The following TUT1 variants were observed in gnomAD, a reference collection of about 807,000 sequenced individuals.
TUT1 encodes speckle targeted PIP5K1A-regulated poly(A) polymerase.
A neutral mutation model predicts 48.8 loss-of-function variants in TUT1; 26 were observed. The ratio of observed to expected loss-of-function variants is 0.53; its 90% confidence interval spans 0.39 to 0.74. The LOEUF is 0.74. TUT1 is among the 30% of genes least tolerant of loss of function. The probability of loss-of-function intolerance (pLI) is 0.00; values close to 1 mark genes in which losing one functional copy is unlikely to be tolerated. For synonymous variants in TUT1, 470 were observed against 460.8 expected (o/e 1.02, Z -0.26); for missense variants, 1,065 against 1,114.8 (o/e 0.96, Z 0.64).
At chr11:62,584,806 G>T (rs1941883339) in intron 2 of TUT1, among the ~76,000 whole-genome samples, 1 of 150,008 alleles carries the variant, frequency 6.7e-6, no homozygotes, top group South Asian at 2.1e-4. Flanking sequence ...CCAATGAATT[G>T]TATACTATTT....
rs747324407 is a variant in TUT1 at position 62,581,574 on chromosome 11, G to A, written c.401C>T (p.Pro134Leu). Reference sequence around the variant, plus strand: ...CGCTCCTTTGGGGGATTTGGAGGCCGGGCTCTGGAACTCCTTCTGCTCCCG... The same window carrying A: ...CGCTCCTTTGGGGGATTTGGAGGCCAGGCTCTGGAACTCCTTCTGCTCCCG... ...RPREQKEFQS[P>L]ASKSPKGAAP... The change falls in exon 3 of 9, where the codon CCG (proline) becomes CTG (leucine). Residue 134 changes from proline to leucine, a missense_variant. By Grantham distance (98) the Pro-to-Leu change is moderately conservative. Coordinates refer to ENST00000476907, the MANE Select transcript of TUT1 (RefSeq NM_022830.3). 81 of 1,610,752 alleles carry A rather than the reference G, an allele frequency of 5.0e-5. No individual in the cohort carries two copies. The highest frequency in any genetic ancestry group is 6.0e-5 in the Non-Finnish European group (71 of 1,178,256).
Position 62,575,538 on chromosome 11 carries a change from C to T in TUT1, c.2181G>A (p.Glu727=). 1.2e-6 allele frequency: 2 copies of T among 1,613,902 alleles called. No homozygotes were observed. The highest frequency in any genetic ancestry group is 1.7e-6 in the Non-Finnish European group (2 of 1,180,044). ...TTGKHGAPGE[E]GQPSHAALAE... ...CCAGGGCTGCGTGGCTGGGCTGCCC[C>T]TCTTCTCCAGGGGCTCCATGCTTTC... The change falls in exon 9 of 9, where the codon GAG becomes GAA. Residue 727 remains glutamate (E), a synonymous_variant. Coordinates refer to ENST00000476907, the MANE Select transcript of TUT1 (RefSeq NM_022830.3).
At chr11:62,590,489 T>A (rs1941992260) in intron 1 of TUT1, among the ~76,000 whole-genome samples, 1 of 151,570 alleles carries the variant, frequency 6.6e-6, no homozygotes, top group Admixed American at 6.6e-5. Flanking sequence ...TACAAAAAAT[T>A]AGCCGGGCGT....
intron 5 of TUT1, 100 bp from the exon 6 acceptor site, chr11:62,577,391 T>C: frequency 2.2e-6 from 2 of 900,106 alleles, no homozygotes; most frequent in South Asian, 3.0e-5. Flanking sequence ...CCAGCTGGAA[T>C]AAGGCCAGAA....
chr11:62,575,800 T>G lies in TUT1; in HGVS notation c.1919A>C (p.Lys640Thr), dbSNP rs1941713732. The G allele has an allele frequency of 6.2e-7, 1 of 1,614,098 alleles. No homozygotes were observed. The highest frequency in any genetic ancestry group is 1.3e-5 in the African/African-American group (1 of 74,944). ...ALGCHIEQATKRTRSEGGGTG... is the reference protein window; with the variant it reads ...ALGCHIEQATTRTRSEGGGTG... ...TCCACCTCCTTCTGACCGCGTTCTC[T>G]TGGTTGCCTGTTCTATATGGCACCC... Residue 640 changes from lysine (K) to threonine (T), a missense_variant, in exon 9 of 9, where the codon AAG becomes ACG. Transcript: ENST00000476907.
Position 62,576,897 on chromosome 11 carries a change from G to C in TUT1, c.1381+10C>G. On this transcript the variant is annotated intron_variant, in intron 7 of 8. Coordinates refer to ENST00000476907, the MANE Select transcript of TUT1 (RefSeq NM_022830.3). ...AACAAGATGGAGAGGGTGGAGGCTA[G>C]GCCGAGTACCTGCTTTCTGGGTGAG... The C allele has an allele frequency of 6.2e-7, 1 of 1,613,258 alleles. No individual in the cohort carries two copies. Among genetic ancestry groups the C allele is most frequent in the Non-Finnish European group, 8.5e-7 (1 of 1,179,244 alleles).
chr11:62,583,530 G>A (rs540813150), intron 2 of TUT1, among the ~76,000 whole-genome samples: 4 of 152,144 alleles, frequency 2.6e-5, no homozygotes, highest in South Asian at 2.1e-4. Context: ...CCCGGGAGGC[G>A]GAGGTTACTG....
intron 2 of TUT1, among the ~76,000 whole-genome samples, chr11:62,583,314 G>T (rs1421589430): frequency 5.3e-5 from 8 of 151,554 alleles, no homozygotes; most frequent in Admixed American, 5.3e-4. Flanking sequence ...TAAAATATTA[G>T]CAAGAAGAGG....
Position 62,587,139 on chromosome 11 carries a change from A to G in TUT1, c.273+1892T>C, listed in dbSNP as rs566409208. On this transcript the variant is annotated intron_variant, in intron 2 of 8. Transcript: ENST00000476907. The stretch of plus-strand genomic sequence containing the variant: ...AAAAAGAAAAGGCATTTTTCTCAGA[A>G]TAAAAGGAAAAAAAATAGAGGAGGG... Among the ~76,000 whole-genome samples, 55 of 151,736 alleles carry G rather than the reference A, an allele frequency of 3.6e-4. 1 individual carries two copies. Among genetic ancestry groups the G allele is most frequent in the African/African-American group, 1.3e-3 (54 of 41,398 alleles).
At chr11:62,591,375 C>G in intron 1 of TUT1, 29 bp downstream of exon 1, 1 of 1,531,116 alleles carries the variant, frequency 6.5e-7, no homozygotes, top group Non-Finnish European at 8.8e-7. Flanking sequence ...CCGCAACCAC[C>G]CCCGGGTCCC....
In TUT1 at chr11:62,575,280, C is replaced by T. The variant is rs767163500; in HGVS notation, c.2439G>A (p.Glu813=). 3.1e-6 allele frequency: 5 copies of T among 1,614,090 alleles called. No individual in the cohort carries two copies. In the Admixed American group the frequency reaches 5.0e-5, roughly 16 times the overall value. The stretch of plus-strand genomic sequence containing the variant: ...CTTCGCCACCACTCAGTCCTTTCAG[C>T]TCCTGGGTGACCTGAGCCTCAGTCG... The part of the protein sequence containing the change: ...WLATEAQVTQ[E]LKGLSGGEER... Residue 813 remains glutamate, a synonymous_variant, in exon 9 of 9, where the codon GAG becomes GAA. Transcript: ENST00000476907.
chr11:62,582,046 G>C, intron 2 of TUT1, among the ~76,000 whole-genome samples: 1 of 151,860 alleles, frequency 6.6e-6, no homozygotes, highest in East Asian at 2.0e-4. Context: ...GCAGCGGGGT[G>C]ATCTCGGCTT....
intron 2 of TUT1, chr11:62,582,597 C>G (rs1565267910): frequency 2.2e-6 from 1 of 455,644 alleles, no homozygotes. Context: ...GAGACCCTGT[C>G]TCAAAAAAAA....
At chr11:62,589,945 T>A (rs1941983356) in intron 1 of TUT1, among the ~76,000 whole-genome samples, 2 of 152,228 alleles carry the variant, frequency 1.3e-5, no homozygotes, top group Admixed American at 1.3e-4. Flanking sequence ...AATATCAGTA[T>A]CTAGCACCTC....
chr11:62,576,032 GGC>G lies in TUT1; in HGVS notation c.1685_1686del (p.Arg562ProfsTer109). ...AANVTSRVAG[R>X]LQNCCRAAAN... is the part of the protein sequence containing the mutation. ...GCTGCTGCTCGGCAGCAGTTCTGTA[GGC>G]GCCCAGCCACCCGGCTGGTCACATT... On this transcript the variant is annotated frameshift_variant, in exon 9 of 9. Coordinates refer to ENST00000476907, the MANE Select transcript of TUT1 (RefSeq NM_022830.3). LOFTEE classifies it low-confidence loss of function (END_TRUNC). 1.2e-6 allele frequency: 2 copies of G among 1,613,820 alleles called. No homozygotes were observed. Among genetic ancestry groups the G allele is most frequent in the South Asian group, 2.2e-5 (2 of 91,086 alleles).
In TUT1 at chr11:62,575,876, G is replaced by A. The variant is rs1941716003; in HGVS notation, c.1843C>T (p.Pro615Ser). 1.2e-6 allele frequency: 2 copies of A among 1,614,084 alleles called. No homozygotes were observed. The highest frequency in any genetic ancestry group is 1.1e-5 in the South Asian group (1 of 91,090). The change falls in exon 9 of 9, where the codon CCC becomes TCC. Residue 615 changes from proline to serine, a missense_variant. Pro to Ser is a moderately conservative substitution (Grantham distance 74). Coordinates refer to ENST00000476907, the MANE Select transcript of TUT1 (RefSeq NM_022830.3). The part of the protein sequence containing the change: ...SATPIPLPLA[P>S]FTQLTAALVQ... ...AGGGCAGCAGTGAGCTGGGTGAAGG[G>A]TGCAAGGGGTAAAGGGATCGGCGTA... is the stretch of plus-strand genomic sequence containing the variant.
chr11:62,585,676 C>CA (rs1355589807), intron 2 of TUT1, among the ~76,000 whole-genome samples: 1 of 152,122 alleles, frequency 6.6e-6, no homozygotes, highest in Non-Finnish European at 1.5e-5. Flanking sequence ...ACTAAAAATA[C>CA]AAAAATTAGC....
At position 62,576,705 on chromosome 11, in the gene TUT1, G is replaced by A; in HGVS notation, c.1426C>T (p.Pro476Ser). 1.2e-6 allele frequency: 2 copies of A among 1,614,156 alleles called. No individual in the cohort carries two copies. The highest frequency in any genetic ancestry group is 2.2e-5 in the East Asian group (1 of 44,884). Reference sequence around the variant, plus strand: ...GGCTCCAGTCTTGAGGCATCCCTGGGGAAACTGCAGTCCCAGCCATCGACT... The same window carrying A: ...GGCTCCAGTCTTGAGGCATCCCTGGAGAAACTGCAGTCCCAGCCATCGACT... Reference protein sequence around the residue: ...VEVDGWDCSFPRDASRLEPSI... With the variant: ...VEVDGWDCSFSRDASRLEPSI... The change falls in exon 8 of 9, where the codon CCC becomes TCC. Residue 476 changes from proline (P) to serine (S), a missense_variant. Transcript: ENST00000476907.
At chr11:62,582,921 G>A (rs2134310215) in intron 2 of TUT1, among the ~76,000 whole-genome samples, 1 of 152,160 alleles carries the variant, frequency 6.6e-6, no homozygotes, top group African/African-American at 2.4e-5. Context: ...GAGGTCAGGA[G>A]ATAGAGACCA....
Sources: gnomAD v4.1 joint callset for allele counts (sites outside exome capture counted in the v4.1 genomes callset) on GRCh38, gnomAD v4.1.1 for gene constraint, MANE v1.5 for transcripts, NCBI Gene and HGNC (gene_info 2026-07-23, HGNC 2026-07-21) for gene names.